TELO2: variants seen among roughly 807,000 people sequenced by gnomAD.
The protein encoded by TELO2 is telomere maintenance 2, also known as telomere length regulation protein TEL2 homolog.
In TELO2, 71 loss-of-function variants were observed where a neutral mutation model predicts 91.0. That is an observed-to-expected ratio of 0.78 (90% CI 0.64 to 0.95). The LOEUF (loss-of-function observed/expected upper bound fraction) is 0.95. Ranked by LOEUF, TELO2 falls within the 40% of genes least tolerant of loss-of-function variation. The pLI is 0.00. For synonymous variants in TELO2, 584 were observed against 518.9 expected, an observed-to-expected ratio of 1.13 and a Z score of -1.71; for missense variants, 1,183 against 1,141.3, an observed-to-expected ratio of 1.04 and a Z score of -0.53.
chr16:1,500,007 C>T, intron 6 of TELO2, 89 bp from the exon 7 acceptor site: 3 of 1,447,396 alleles, frequency 2.1e-6, no homozygotes, highest in Non-Finnish European at 1.9e-6. Context: ...AGTCTGGTCC[C>T]AGTCCTGGCA....
In TELO2 at chr16:1,505,622, T is replaced by G. The variant is rs371028818; in HGVS notation, c.2034+21T>G. 2.0e-5 allele frequency: 25 copies of G among 1,228,754 alleles called. No individual in the cohort carries two copies. The African/African-American group carries it at 3.1e-4, about 15-fold the overall frequency. The allele number at this position is 1,228,754 out of a possible 1,614,324, so 76.1% of individuals were successfully genotyped here. On this transcript the variant is annotated intron_variant, in intron 16 of 20. Coordinates refer to ENST00000262319, the MANE Select transcript of TELO2 (RefSeq NM_016111.4). The surrounding 1 kb of genome is among the most constrained non-coding windows in gnomAD (Gnocchi z 4.3). The stretch of plus-strand genomic sequence containing the variant: ...CCAAGGTTAGTGGCGCCTGGTCAGC[T>G]CCTCACGGGCATGGGGACCGTGGGT...
rs2039946830 is a variant in TELO2 at position 1,507,650 on chromosome 16, C to T, written c.2341C>T (p.Leu781=). Residue 781 remains leucine (L), a synonymous_variant, in exon 20 of 21, where the codon CTG becomes TTG. Coordinates refer to ENST00000262319, the MANE Select transcript of TELO2 (RefSeq NM_016111.4). ...GGCCGTCTCCTCCGTCCTGCTCAGC[C>T]TGCCTGCTGCGCGCCTGCTGGAGGA... The part of the protein sequence containing the change: ...LSAVSSVLLS[L]PAARLLEDLM... 1.2e-6 allele frequency: 2 copies of T among 1,601,436 alleles called. No homozygotes were observed. Among genetic ancestry groups the T allele is most frequent in the East Asian group, 2.2e-5 (1 of 44,850 alleles).
At position 1,502,130 on chromosome 16, in the gene TELO2, T is replaced by G. The variant is rs1259637248; in HGVS notation, c.1556T>G (p.Val519Gly). ...SKAPAYVRDC[V>G]EALTTSEDIE... ...GCTCCTGCCTACGTCCGGGACTGCG[T>G]GGAAGGTGGGCACGGGCCCCTGGAG... Residue 519 changes from valine (V) to glycine (G), a missense_variant, in exon 12 of 21, where the codon GTG becomes GGG. Transcript: ENST00000262319. The G allele has an allele frequency of 1.2e-6, 2 of 1,612,642 alleles. No individual in the cohort carries two copies. Among genetic ancestry groups the G allele is most frequent in the African/African-American group, 2.7e-5 (2 of 74,918 alleles).
At chr16:1,496,248 C>T (rs1251460932) in intron 3 of TELO2, among the ~76,000 whole-genome samples, 3 of 152,234 alleles carry the variant, frequency 2.0e-5, no homozygotes, top group Non-Finnish European at 4.4e-5. Context: ...CCCTCCCTCG[C>T]TCAGGGGCAC....
At chr16:1,503,658 C>G (rs1453557132) in intron 15 of TELO2, among the ~76,000 whole-genome samples, 5 of 152,174 alleles carry the variant, frequency 3.3e-5, no homozygotes, top group Non-Finnish European at 5.9e-5. Context: ...AGCGAGCCGT[C>G]CGGAGGAGCT....
chr16:1,507,854 GTGTGTGT>G lies in TELO2; in HGVS notation c.2407+139_2407+145del. Reference sequence around the variant, plus strand: ...TGTGATGTGTGTTGGCCCGGGGTGTGTGTGTGTGTGTGTGTGTGTGTGTGTGTGTGTG... The same window carrying G: ...TGTGATGTGTGTTGGCCCGGGGTGTGGTGTGTGTGTGTGTGTGTGTGTGTG... On this transcript the variant is annotated intron_variant, in intron 20 of 20. Transcript: ENST00000262319. 3 of 22,776 alleles carry G rather than the reference GTGTGTGT, an allele frequency of 1.3e-4. No individual in the cohort carries two copies. In the East Asian group the frequency reaches 6.1e-3, roughly 46 times the overall value. The allele number at this position is 22,776 out of a possible 1,614,324, so 1.4% of individuals were successfully genotyped here. A position where few individuals can be genotyped will look rare whatever the true frequency, so the allele number is the denominator to read the frequency against.
At chr16:1,503,915 C>A (rs536292189) in intron 15 of TELO2, among the ~76,000 whole-genome samples, 49 of 151,912 alleles carry the variant, frequency 3.2e-4, no homozygotes, top group African/African-American at 1.2e-3. Context: ...GAGGATTGCT[C>A]AAGCCCAGGA....
At chr16:1,496,971 C>T in intron 3 of TELO2, 65 bp from the exon 4 acceptor site, 1 of 1,533,134 alleles carries the variant, frequency 6.5e-7, no homozygotes, top group Admixed American at 1.8e-5. Flanking sequence ...CAGCTCTCCC[C>T]ACACCTAGAT....
In TELO2 at chr16:1,500,129, G is replaced by C. The variant is rs750187494; in HGVS notation, c.967G>C (p.Ala323Pro). 3 of 1,608,258 alleles carry C rather than the reference G, an allele frequency of 1.9e-6. No individual in the cohort carries two copies. In the South Asian group the frequency reaches 3.3e-5, roughly 18 times the overall value. The change falls in exon 7 of 21, where the codon GCC (alanine) becomes CCC (proline). Residue 323 changes from alanine (A) to proline (P), a missense_variant. By Grantham distance (27) the Ala-to-Pro change is conservative. Transcript: ENST00000262319. ...GCTGCAGAGCCTGCTGGGCCATCTG[G>C]CCATGGACAGCCAGCGGCGCCCGCT... ...PMLQSLLGHL[A>P]MDSQRRPLLL...
chr16:1,506,238 G>C lies in TELO2; in HGVS notation c.2035G>C (p.Gly679Arg). 6.2e-7 allele frequency: 1 copy of C among 1,613,620 alleles called. No individual in the cohort carries two copies. The change falls in exon 17 of 21, where the codon GGT becomes CGT. Residue 679 changes from glycine (G) to arginine (R), a missense_variant and splice_region_variant. Gly to Arg is a moderately radical substitution (Grantham distance 125). Coordinates refer to ENST00000262319, the MANE Select transcript of TELO2 (RefSeq NM_016111.4). ...IRSKTQRLSK[G>R]GPRQGPAGSP... is the part of the protein sequence containing the mutation. ...TGATCGCTGTAGTTGTGTCTGGCAGGGTGGCCCGAGGCAGGGCCCGGCAGG... is the reference window on the plus strand; with the variant it reads ...TGATCGCTGTAGTTGTGTCTGGCAGCGTGGCCCGAGGCAGGGCCCGGCAGG...
chr16:1,495,691 T>C (rs1367409906), intron 3 of TELO2, 68 bp downstream of exon 3: 5 of 1,515,926 alleles, frequency 3.3e-6, no homozygotes, highest in Non-Finnish European at 4.4e-6. Context: ...TGCCACCCTC[T>C]GGTGCCTCAC....
intron 7 of TELO2, 65 bp from the exon 8 acceptor site, chr16:1,500,282 C>T: frequency 6.5e-7 from 1 of 1,534,878 alleles, no homozygotes; most frequent in Non-Finnish European, 8.7e-7. Context: ...CTCAGAGTGG[C>T]TGTGGGCCTG....
Position 1,497,748 on chromosome 16 carries a change from G to A in TELO2, c.830+240G>A, listed in dbSNP as rs540009198. 4.6e-5 allele frequency among the ~76,000 whole-genome samples: 7 copies of A among 152,292 alleles called. No homozygotes were observed. The highest frequency in any genetic ancestry group is 2.0e-4 in the Admixed American group (3 of 15,306). On this transcript the variant is annotated intron_variant, in intron 5 of 20. Coordinates refer to ENST00000262319, the MANE Select transcript of TELO2 (RefSeq NM_016111.4). This position sits in a 1 kb window ranked among gnomAD's most constrained non-coding sequence, Gnocchi z 4.0. The stretch of plus-strand genomic sequence containing the variant: ...TGCTGTGAACAGCCCACACCGTAAA[G>A]GCGCCTGTACCTTGGGCCGTCCACC...
rs373151028 is a variant in TELO2, at chr16:1,495,475, G to T, written c.465G>T (p.Thr155=). 85 of 1,610,190 alleles carry T rather than the reference G, an allele frequency of 5.3e-5. No individual in the cohort carries two copies. The African/African-American group carries it at 1.0e-3, about 20-fold the overall frequency. Residue 155 remains threonine (T), a synonymous_variant, in exon 3 of 21, where the codon ACG becomes ACT. Transcript: ENST00000262319. Reference sequence around the variant, plus strand: ...CCGGCTTCATCCTGCTCCGGGAGACGCTGCTGGGCAAGGTGGTGGCCCTGC... The same window carrying T: ...CCGGCTTCATCCTGCTCCGGGAGACTCTGCTGGGCAAGGTGGTGGCCCTGC... ...TQPGFILLRE[T]LLGKVVALPD...
intron 3 of TELO2, among the ~76,000 whole-genome samples, chr16:1,496,286 C>T (rs2039490343): frequency 6.6e-6 from 1 of 152,230 alleles, no homozygotes; most frequent in Non-Finnish European, 1.5e-5. Flanking sequence ...GCTCGGCGCC[C>T]CCTCAGAGCC....
Position 1,505,455 on chromosome 16 carries a change from G to C in TELO2, c.1888G>C (p.Gly630Arg). Residue 630 changes from glycine (G) to arginine (R), a missense_variant, in exon 16 of 21, where the codon GGG (glycine) becomes CGG (arginine). Coordinates refer to ENST00000262319, the MANE Select transcript of TELO2 (RefSeq NM_016111.4). This position sits in a 1 kb window ranked among gnomAD's most constrained non-coding sequence, Gnocchi z 4.3. ...AQELSRPGCL[G>R]RTPQPGSPSP... ...GGAGCTGTCTAGGCCTGGGTGCCTC[G>C]GGAGGACTCCCCAACCTGGCTCCCC... 6.2e-7 allele frequency: 1 copy of C among 1,613,098 alleles called. No homozygotes were observed. Among genetic ancestry groups the C allele is most frequent in the Non-Finnish European group, 8.5e-7 (1 of 1,180,006 alleles).
Position 1,510,223 on chromosome 16 carries a change from AG to A in TELO2, c.*289del, listed in dbSNP as rs1567311338. On this transcript the variant is annotated 3_prime_UTR_variant, in exon 21 of 21. Transcript: ENST00000262319. ...TGACTCTTCCAGTGAGGGCAGAACCAGGCTGGCAGGAGGGGAGGACGGTGTA... is the reference window on the plus strand; with the variant it reads ...TGACTCTTCCAGTGAGGGCAGAACCAGCTGGCAGGAGGGGAGGACGGTGTA... 2.3e-6 allele frequency: 1 copy of A among 443,992 alleles called. No individual in the cohort carries two copies. The highest frequency in any genetic ancestry group is 4.2e-6 in the Non-Finnish European group (1 of 240,094). The allele number at this position is 443,992 out of a possible 1,614,324, so 27.5% of individuals were successfully genotyped here.
Position 1,507,285 on chromosome 16 carries a change from T to C in TELO2, c.2227-21T>C, listed in dbSNP as rs546867217. Reference sequence around the variant, plus strand: ...GGGACGGCGTCGGGACCCCACTGACTGTCCCTCTGCTGGTGTCCAGGTGGC... The same window carrying C: ...GGGACGGCGTCGGGACCCCACTGACCGTCCCTCTGCTGGTGTCCAGGTGGC... On this transcript the variant is annotated intron_variant, in intron 18 of 20. Transcript: ENST00000262319. 7.5e-6 allele frequency: 12 copies of C among 1,606,126 alleles called. No individual in the cohort carries two copies. In the African/African-American group the frequency reaches 1.5e-4, roughly 20 times the overall value.
At chr16:1,500,045 T>C (rs1897389221) in intron 6 of TELO2, 51 bp from the exon 7 acceptor site, 1 of 1,573,962 alleles carries the variant, frequency 6.4e-7, no homozygotes, top group Non-Finnish European at 8.6e-7. Flanking sequence ...AGCCCCGGGC[T>C]GGCCAGGCGG....
Sources: allele counts gnomAD v4.1 joint callset (sites outside exome capture counted in the v4.1 genomes callset), GRCh38; gene constraint gnomAD v4.1.1; non-coding constraint Gnocchi (gnomAD v3.1); transcripts MANE v1.5; gene names NCBI Gene and HGNC (gene_info 2026-07-23, HGNC 2026-07-21).